CLN8: variants seen among roughly 807,000 people sequenced by gnomAD.
CLN8 encodes the protein CLN8 transmembrane ER and ERGIC protein, also known as protein CLN8.
CLN8 carries 14 observed loss-of-function variants against 15.7 expected under a neutral mutation model. The ratio of observed to expected loss-of-function variants is 0.89; its 90% CI spans 0.59 to 1.39. CLN8 has a LOEUF of 1.39. CLN8 is among the 40% of genes most tolerant of loss of function. The probability of loss-of-function intolerance (pLI) is 0.00; values close to 1 mark genes in which losing one functional copy is unlikely to be tolerated. For synonymous variants in CLN8, 188 were observed against 151.0 expected (o/e 1.25, Z -1.80); for missense variants, 415 against 364.0 (o/e 1.14, Z -1.14).
At chr8:1,753,569 C>CAAAAAAAAAAAAA (rs71190758), upstream of CLN8, among the ~76,000 whole-genome samples, 1 of 102,590 alleles carries the variant, frequency 9.7e-6, no homozygotes, top group Non-Finnish European at 1.8e-5. Flanking sequence ...GAAACTGTTT[C>CAAAAAAAAAAAAA]AAAAAAAAAA....
At chr8:1,766,794 G>A (rs560338873) in intron 1 of CLN8, among the ~76,000 whole-genome samples, 5 of 152,322 alleles carry the variant, frequency 3.3e-5, no homozygotes, top group African/African-American at 1.2e-4. Context: ...GCACAGCAAG[G>A]GAACAGTGGG....
chr8:1,768,614 A>G (rs1801175493), intron 1 of CLN8, among the ~76,000 whole-genome samples: 1 of 152,284 alleles, frequency 6.6e-6, no homozygotes, highest in South Asian at 2.1e-4. Flanking sequence ...AACCTTTAAC[A>G]GTGTTGTTCA....
chr8:1,784,033 C>G lies in CLN8; in HGVS notation c.*3466C>G, dbSNP rs1451133821. On this transcript the variant is annotated 3_prime_UTR_variant, in exon 3 of 3. Coordinates refer to ENST00000331222, the MANE Select transcript of CLN8 (RefSeq NM_018941.4). ...AGGCACGGTGACTCACGCCTGTAAT[C>G]CCAGCACTTTGGGAGGCCGAGGCGG... is the stretch of plus-strand genomic sequence containing the variant. 1 of 152,408 alleles carries G rather than the reference C, an allele frequency of 6.6e-6. No individual in the cohort carries two copies. Among genetic ancestry groups the G allele is most frequent in the Non-Finnish European group, 1.5e-5 (1 of 68,250 alleles). The allele number at this position is 152,408 out of a possible 1,614,324, so 9.4% of individuals were successfully genotyped here. A position where few individuals can be genotyped will look rare whatever the true frequency, so the allele number is the denominator to read the frequency against.
chr8:1,759,101 G>A (rs1336184092), upstream of CLN8: 1 of 152,192 alleles, frequency 6.6e-6, no homozygotes, highest in Admixed American at 6.5e-5. Context: ...TACAGAGTCT[G>A]TTTTGTCAAC....
chr8:1,786,324 A>C lies in CLN8; in HGVS notation c.*5757A>C, dbSNP rs1193742458. On this transcript the variant is annotated 3_prime_UTR_variant, in exon 3 of 3. Transcript: ENST00000331222. ...ATTTCAGCTCACCTCAGAGTAAATC[A>C]GAATAAACTGCACCCAGACTTTCAC... is the stretch of plus-strand genomic sequence containing the variant. 1 of 152,266 alleles carries C rather than the reference A, an allele frequency of 6.6e-6. No individual in the cohort carries two copies. The highest frequency in any genetic ancestry group is 1.5e-5 in the Non-Finnish European group (1 of 68,046). The allele number at this position is 152,266 out of a possible 1,614,324, so 9.4% of individuals were successfully genotyped here. A position where few individuals can be genotyped will look rare whatever the true frequency, so the allele number is the denominator to read the frequency against.
Position 1,757,312 on chromosome 8 carries a change from A to G in CLN8, c.-124+1230A>G, listed in dbSNP as rs138233874. ...TTCTCAACCAAGGTCATGACAACCCAAAAACGTCTCCAGACACTGCCAAAT... is the reference window on the plus strand; with the variant it reads ...TTCTCAACCAAGGTCATGACAACCCGAAAACGTCTCCAGACACTGCCAAAT... On this transcript the variant is annotated intron_variant, in intron 1 of 1. Coordinates refer to the CLN8 transcript ENST00000524258. 5.5e-3 allele frequency among the ~76,000 whole-genome samples: 836 copies of G among 152,318 alleles called. 9 individuals are homozygous for G. Among genetic ancestry groups the G allele is most frequent in the African/African-American group, 0.019 (808 of 41,564 alleles).
chr8:1,754,244 G>A (rs1366189743), upstream of CLN8, among the ~76,000 whole-genome samples: 3 of 152,190 alleles, frequency 2.0e-5, no homozygotes, highest in African/African-American at 7.2e-5. Context: ...TGGCCTGCCC[G>A]TTGCTCCCTT....
intron 1 of CLN8, among the ~76,000 whole-genome samples, chr8:1,770,700 C>T (rs1801262982): frequency 6.6e-6 from 1 of 152,148 alleles, no homozygotes; most frequent in Non-Finnish European, 1.5e-5. Flanking sequence ...TGTGTTCCTG[C>T]CAGCACGGCT....
At position 1,786,291 on chromosome 8, in the gene CLN8, C is replaced by A. The variant is rs1016474202; in HGVS notation, c.*5724C>A. On this transcript the variant is annotated 3_prime_UTR_variant, in exon 3 of 3. Coordinates refer to ENST00000331222, the MANE Select transcript of CLN8 (RefSeq NM_018941.4). The stretch of plus-strand genomic sequence containing the variant: ...TGTCACAGATGCATCGCCCACCCTG[C>A]GGTCCTGATTTCAGCTCACCTCAGA... The A allele has an allele frequency of 1.3e-5, 2 of 152,270 alleles. No individual in the cohort carries two copies. The highest frequency in any genetic ancestry group is 2.9e-5 in the Non-Finnish European group (2 of 68,078). The allele number at this position is 152,270 out of a possible 1,614,324, so 9.4% of individuals were successfully genotyped here. A position where few individuals can be genotyped will look rare whatever the true frequency, so the allele number is the denominator to read the frequency against.
upstream of CLN8, among the ~76,000 whole-genome samples, chr8:1,753,713 G>C (rs1302193539): frequency 2.7e-5 from 4 of 150,896 alleles, no homozygotes; most frequent in African/African-American, 4.9e-5. Context: ...GTGAAACCCC[G>C]TCTCTACTAA....
At chr8:1,776,576 C>T (rs1340500534) in intron 2 of CLN8, among the ~76,000 whole-genome samples, 2 of 152,206 alleles carry the variant, frequency 1.3e-5, no homozygotes, top group Non-Finnish European at 1.5e-5. Context: ...GAGGGGCGCA[C>T]GTTTGTGTAG....
chr8:1,757,498 T>C (rs781591976), intron 1 of CLN8, among the ~76,000 whole-genome samples: 1 of 152,218 alleles, frequency 6.6e-6, no homozygotes, highest in Non-Finnish European at 1.5e-5. Flanking sequence ...TGGAGTGCAG[T>C]GGCACAGTCT....
upstream of CLN8, among the ~76,000 whole-genome samples, chr8:1,753,368 C>T (rs1585113691): frequency 6.6e-6 from 1 of 151,832 alleles, no homozygotes; most frequent in East Asian, 1.9e-4. Flanking sequence ...ATCAGGAGTT[C>T]GAGACCAGCC....
upstream of CLN8, among the ~76,000 whole-genome samples, chr8:1,754,480 C>A (rs1208664453): frequency 6.6e-6 from 1 of 152,152 alleles, no homozygotes; most frequent in Admixed American, 6.5e-5. Context: ...TATTTGGTCT[C>A]AACATGTCTA....
At chr8:1,758,327 CAAAGA>C in intron 1 of CLN8, 1 of 80,394 alleles carries the variant, frequency 1.2e-5, no homozygotes, top group South Asian at 5.7e-4. Flanking sequence ...CTTGTCAACA[CAAAGA>C]GTCAAATTTG....
intron 1 of CLN8, among the ~76,000 whole-genome samples, chr8:1,757,770 C>T (rs1436879960): frequency 1.3e-5 from 2 of 152,078 alleles, no homozygotes; most frequent in Admixed American, 1.3e-4. Context: ...TTTTTAAAGG[C>T]TGGTTGTTAT....
At chr8:1,758,985 T>G (rs970719985), upstream of CLN8, 1 of 152,200 alleles carries the variant, frequency 6.6e-6, no homozygotes, top group Non-Finnish European at 1.5e-5. Flanking sequence ...CTTCAAAATA[T>G]GTCAAAGAAA....
At chr8:1,767,881 A>C (rs6982516) in intron 1 of CLN8, among the ~76,000 whole-genome samples, 2 of 151,700 alleles carry the variant, frequency 1.3e-5, no homozygotes, top group African/African-American at 4.8e-5. Flanking sequence ...TGCTCTGTGT[A>C]TTTCTTTTTC....
rs1225015803 is a variant in CLN8, at chr8:1,782,761, C to A, written c.*2194C>A. 6.6e-6 allele frequency: 1 copy of A among 152,232 alleles called. No individual in the cohort carries two copies. The highest frequency in any genetic ancestry group is 2.1e-4 in the South Asian group (1 of 4,832). The allele number at this position is 152,232 out of a possible 1,614,324, so 9.4% of individuals were successfully genotyped here. Reference sequence around the variant, plus strand: ...ATTCATATTGCTGTGAATGCTTTATCTTGGAGATAGAAAATATAATGATAA... The same window carrying A: ...ATTCATATTGCTGTGAATGCTTTATATTGGAGATAGAAAATATAATGATAA... On this transcript the variant is annotated 3_prime_UTR_variant, in exon 3 of 3. Coordinates refer to ENST00000331222, the MANE Select transcript of CLN8 (RefSeq NM_018941.4).
Sources: gnomAD v4.1 joint callset for allele counts (sites outside exome capture counted in the v4.1 genomes callset) on GRCh38, gnomAD v4.1.1 for gene constraint, MANE v1.5 for transcripts, NCBI Gene and HGNC (gene_info 2026-07-23, HGNC 2026-07-21) for gene names.